The following DCC variants were observed in gnomAD, a reference collection of about 807,000 sequenced individuals.
DCC encodes the protein netrin receptor DCC.
Under a neutral mutation model 172.5 loss-of-function variants are expected in DCC, and 58 were observed. That is an observed-to-expected ratio of 0.34 (90% CI 0.27 to 0.42). The LOEUF (loss-of-function observed/expected upper bound fraction) is 0.42. Among genes scored for constraint, DCC ranks in the 10% least tolerant of loss-of-function variants. DCC has a pLI of 1.00. For missense variants in DCC, 1,740 were observed against 1,791.0 expected (o/e 0.97, Z 0.51); for synonymous variants, 709 against 644.5 (o/e 1.10, Z -1.52).
intron 8 of DCC, among the ~76,000 whole-genome samples, chr18:53,178,496 C>G (rs2055143713): frequency 6.6e-6 from 1 of 152,170 alleles, no homozygotes; most frequent in Non-Finnish European, 1.5e-5. Context: ...CTGCGTTTTC[C>G]TTTCATACAA....
At chr18:52,634,383 T>C (rs2034733563) in intron 1 of DCC, among the ~76,000 whole-genome samples, 1 of 152,246 alleles carries the variant, frequency 6.6e-6, no homozygotes, top group Non-Finnish European at 1.5e-5. Flanking sequence ...ATGGAATTTT[T>C]GTAAATTCAT....
At chr18:52,537,776 AT>A (rs2032329740) in intron 1 of DCC, among the ~76,000 whole-genome samples, 1 of 152,132 alleles carries the variant, frequency 6.6e-6, no homozygotes, top group Non-Finnish European at 1.5e-5. Flanking sequence ...CCATTGAGAG[AT>A]TGTAATTATG....
chr18:53,008,211 A>T (rs1005455807), intron 5 of DCC, among the ~76,000 whole-genome samples: 2 of 152,126 alleles, frequency 1.3e-5, no homozygotes, highest in Admixed American at 1.3e-4. Context: ...AATTTCATTC[A>T]ACAGACTTAG....
At chr18:53,274,776 C>G (rs533877433) in intron 12 of DCC, among the ~76,000 whole-genome samples, 1 of 152,038 alleles carries the variant, frequency 6.6e-6, no homozygotes, top group Admixed American at 6.6e-5. Flanking sequence ...CCTTATTGAT[C>G]GAAGTGTGGT....
chr18:52,504,005 C>T (rs1410538041), intron 1 of DCC, among the ~76,000 whole-genome samples: 1 of 152,148 alleles, frequency 6.6e-6, no homozygotes, highest in Non-Finnish European at 1.5e-5. Context: ...CCTCTACTCT[C>T]AACCTTATAA....
chr18:53,257,771 A>G (rs1022617060), intron 12 of DCC, among the ~76,000 whole-genome samples: 5 of 152,146 alleles, frequency 3.3e-5, no homozygotes, highest in Admixed American at 6.5e-5. Flanking sequence ...GATTGGAATA[A>G]TTTCAGAAGG....
intron 7 of DCC, among the ~76,000 whole-genome samples, chr18:53,113,949 C>A (rs1351129064): frequency 1.3e-5 from 2 of 151,200 alleles, no homozygotes; most frequent in Non-Finnish European, 3.0e-5. Context: ...TATTCTATTG[C>A]TCTAAATTTC....
At chr18:52,509,753 A>G (rs539337309) in intron 1 of DCC, among the ~76,000 whole-genome samples, 55 of 152,318 alleles carry the variant, frequency 3.6e-4, no homozygotes, top group African/African-American at 1.3e-3. Flanking sequence ...GAAGGCAGCA[A>G]GATCTTAGAT....
At chr18:53,445,371 G>A (rs1015207465) in intron 22 of DCC, among the ~76,000 whole-genome samples, 7 of 152,124 alleles carry the variant, frequency 4.6e-5, no homozygotes, top group Admixed American at 4.6e-4. Context: ...CACTTTCATT[G>A]GACCTCTTTC....
intron 1 of DCC, among the ~76,000 whole-genome samples, chr18:52,437,082 T>C (rs946732764): frequency 7.2e-5 from 11 of 152,222 alleles, no homozygotes; most frequent in Non-Finnish European, 1.6e-4. Flanking sequence ...TTTCTTCTTT[T>C]AACTATGGAC....
At chr18:52,735,484 C>T (rs541022862) in intron 1 of DCC, among the ~76,000 whole-genome samples, 1 of 152,198 alleles carries the variant, frequency 6.6e-6, no homozygotes, top group South Asian at 2.1e-4. Flanking sequence ...GGTGAAGTCG[C>T]ACAATAGGCC....
chr18:53,320,219 C>A lies in DCC; in HGVS notation c.2054-1828C>A, dbSNP rs189991892. The stretch of plus-strand genomic sequence containing the variant: ...TCCCGAGTAGCTGGGACCACAGGCG[C>A]CCACCACCACTCCCAGCTAATTTTT... On this transcript the variant is annotated intron_variant, in intron 13 of 28. Transcript: ENST00000442544. Among the ~76,000 whole-genome samples, 847 of 151,806 alleles carry A rather than the reference C, an allele frequency of 5.6e-3. 6 individuals are homozygous for A. The highest frequency in any genetic ancestry group is 0.024 in the Admixed American group (371 of 15,238).
At chr18:53,164,449 C>A (rs1250023166) in intron 8 of DCC, among the ~76,000 whole-genome samples, 3 of 152,052 alleles carry the variant, frequency 2.0e-5, no homozygotes, top group South Asian at 2.1e-4. Flanking sequence ...GAACATTATA[C>A]CTCTCACTTG....
At chr18:52,861,148 T>C (rs530745333) in intron 2 of DCC, among the ~76,000 whole-genome samples, 2 of 152,268 alleles carry the variant, frequency 1.3e-5, no homozygotes, top group African/African-American at 4.8e-5. Context: ...AACACTTACA[T>C]GAATTGAGTG....
chr18:53,268,445 TA>T (rs1216209940), intron 12 of DCC, among the ~76,000 whole-genome samples: 1 of 152,190 alleles, frequency 6.6e-6, no homozygotes, highest in African/African-American at 2.4e-5. Context: ...GAATTAAAAT[TA>T]AGAAATATTT....
In DCC at chr18:52,752,046, TG is replaced by T. The variant is rs761298636; in HGVS notation, c.92-7del. On this transcript the variant is annotated splice_polypyrimidine_tract_variant and splice_region_variant and intron_variant, in intron 1 of 28. Coordinates refer to ENST00000442544, the MANE Select transcript of DCC (RefSeq NM_005215.4). ...ATGAACATATTTCCCTGTGCTCTCT[TG>T]TTCCAGGTTTTCAAATTAAAGCTTT... The T allele has an allele frequency of 1.2e-6, 2 of 1,612,270 alleles. No individual in the cohort carries two copies. Among genetic ancestry groups the T allele is most frequent in the Non-Finnish European group, 1.7e-6 (2 of 1,178,508 alleles).
intron 1 of DCC, among the ~76,000 whole-genome samples, chr18:52,528,886 C>A (rs2032060964): frequency 6.6e-6 from 1 of 152,040 alleles, no homozygotes; most frequent in Non-Finnish European, 1.5e-5. Context: ...CCAGTTAGGC[C>A]ACCAGTTATC....
At chr18:53,529,044 A>T (rs576615803) in intron 28 of DCC, among the ~76,000 whole-genome samples, 2,578 of 81,702 alleles carry the variant, frequency 0.032, 56 homozygotes, top group African/African-American at 0.093. Flanking sequence ...TCTCTCACAC[A>T]CACACACACA....
chr18:53,213,464 A>G (rs1307531123), intron 11 of DCC, among the ~76,000 whole-genome samples: 1 of 151,942 alleles, frequency 6.6e-6, no homozygotes, highest in Non-Finnish European at 1.5e-5. Flanking sequence ...CCTGACCAAC[A>G]TGGTGAAACC....
Sources: allele counts gnomAD v4.1 joint callset (sites outside exome capture counted in the v4.1 genomes callset), GRCh38; gene constraint gnomAD v4.1.1; transcripts MANE v1.5; gene names NCBI Gene and HGNC (gene_info 2026-07-23, HGNC 2026-07-21).